The following SLC12A6 variants were observed in gnomAD, a reference collection of about 807,000 sequenced individuals.
The protein encoded by SLC12A6 is K-Cl cotransporter 3.
A neutral mutation model predicts 135.3 loss-of-function variants in SLC12A6; 66 were observed. The observed-to-expected ratio is 0.49, with a 90% CI of 0.40 to 0.60. The LOEUF (loss-of-function observed/expected upper bound fraction) is 0.60, where lower values mean the gene tolerates loss of function less well. SLC12A6 is among the 20% of genes least tolerant of loss of function. SLC12A6 has a pLI of 0.00. For missense variants in SLC12A6, 1,058 were observed against 1,452.3 expected (o/e 0.73, Z 4.41); for synonymous variants, 513 against 508.8 (o/e 1.01, Z -0.11).
Position 34,233,620 on chromosome 15 carries a change from G to T in SLC12A6, c.*261C>A. The stretch of plus-strand genomic sequence containing the variant: ...TGGCTCAGCTTGTTAATTCTAATTT[G>T]CCTTTGACTGCTCAGACGTGGCTTG... On this transcript the variant is annotated 3_prime_UTR_variant, in exon 26 of 26. Transcript: ENST00000354181. 3 of 410,160 alleles carry T rather than the reference G, an allele frequency of 7.3e-6. No homozygotes were observed. Among genetic ancestry groups the T allele is most frequent in the South Asian group, 2.9e-5 (1 of 33,982 alleles). The allele number at this position is 410,160 out of a possible 1,614,324, so 25.4% of individuals were successfully genotyped here.
At chr15:34,306,396 C>T (rs1437505751) in intron 2 of SLC12A6, among the ~76,000 whole-genome samples, 1 of 152,192 alleles carries the variant, frequency 6.6e-6, no homozygotes, top group African/African-American at 2.4e-5. Flanking sequence ...TTCTCCTTCC[C>T]TCCAGGAATT....
chr15:34,308,497 T>C (rs188633874), intron 2 of SLC12A6, among the ~76,000 whole-genome samples: 1 of 152,110 alleles, frequency 6.6e-6, no homozygotes, highest in African/African-American at 2.4e-5. Flanking sequence ...TGGTGGTGCA[T>C]GTCTGTAATC....
chr15:34,321,815 C>G (rs7176009), intron 2 of SLC12A6, among the ~76,000 whole-genome samples: 26,403 of 152,146 alleles, frequency 0.17, 2,509 homozygotes, highest in East Asian at 0.33. Context: ...CAACAACATG[C>G]ATGAATCTCA....
rs1421013924 is a variant in SLC12A6, at chr15:34,233,517, C to T, written c.*364G>A. 10 of 253,202 alleles carry T rather than the reference C, an allele frequency of 3.9e-5. No individual in the cohort carries two copies. The highest frequency in any genetic ancestry group is 7.9e-5 in the Non-Finnish European group (10 of 126,788). 15.7% of individuals were successfully genotyped at this position (253,202 alleles called of 1,614,324 possible). On this transcript the variant is annotated 3_prime_UTR_variant, in exon 26 of 26. Coordinates refer to ENST00000354181, the MANE Select transcript of SLC12A6 (RefSeq NM_001365088.1). ...TTGAACCATGACTTCTGAGATTCAT[C>T]TTTAATGCTGAATACGTACTTGACT...
chr15:34,332,394 T>C (rs1889908827), intron 2 of SLC12A6, among the ~76,000 whole-genome samples: 1 of 152,212 alleles, frequency 6.6e-6, no homozygotes, highest in African/African-American at 2.4e-5. Context: ...GTAGAAACTA[T>C]ATGTTACCTG....
In SLC12A6 at chr15:34,238,305, T is replaced by C. The variant is rs912101259; in HGVS notation, c.2729A>G (p.Asn910Ser). Residue 910 changes from asparagine (N) to serine (S), a missense_variant, in exon 21 of 26, where the codon AAC (asparagine) becomes AGC (serine). Asn to Ser is a conservative substitution (Grantham distance 46). Coordinates refer to ENST00000354181, the MANE Select transcript of SLC12A6 (RefSeq NM_001365088.1). ...ATGCACAATCCACCACACATCAATGTTGCCCTCAGAAAATTGCTCCACATT... is the reference window on the plus strand; with the variant it reads ...ATGCACAATCCACCACACATCAATGCTGCCCTCAGAAAATTGCTCCACATT... The part of the protein sequence containing the change: ...PSNVEQFSEG[N>S]IDVWWIVHDG... 13 of 1,613,736 alleles carry C rather than the reference T, an allele frequency of 8.1e-6. No homozygotes were observed. Among genetic ancestry groups the C allele is most frequent in the Non-Finnish European group, 1.1e-5 (13 of 1,179,616 alleles).
At chr15:34,280,944 C>T (rs1894635969) in intron 2 of SLC12A6, among the ~76,000 whole-genome samples, 2 of 151,996 alleles carry the variant, frequency 1.3e-5, no homozygotes, top group African/African-American at 4.8e-5. Flanking sequence ...AAGCTAAACA[C>T]CACATGTTCT....
At chr15:34,310,187 G>GTGTGTGTA (rs1888060577) in intron 2 of SLC12A6, among the ~76,000 whole-genome samples, 1 of 149,894 alleles carries the variant, frequency 6.7e-6, no homozygotes, top group Non-Finnish European at 1.5e-5. Context: ...GTGTGTGTGT[G>GTGTGTGTA]TGTGTGTGTG....
At chr15:34,324,857 T>C (rs1482718370) in intron 2 of SLC12A6, among the ~76,000 whole-genome samples, 1 of 152,162 alleles carries the variant, frequency 6.6e-6, no homozygotes, top group African/African-American at 2.4e-5. Flanking sequence ...AAAGAACTTT[T>C]TTTTTCTTTG....
rs78248490 is a variant in SLC12A6 at position 34,268,367 on chromosome 15, C to T, written c.316+6978G>A. ...TTTATGAGACCAATGATGCCTCCAA[C>T]CAATAATGTCCTACTCATGGTCTAC... On this transcript the variant is annotated intron_variant, in intron 3 of 25. Coordinates refer to ENST00000354181, the MANE Select transcript of SLC12A6 (RefSeq NM_001365088.1). Among the ~76,000 whole-genome samples the T allele has an allele frequency of 6.5e-4, 99 of 152,288 alleles. 1 individual carries two copies. The highest frequency in any genetic ancestry group is 2.3e-3 in the African/African-American group (96 of 41,558).
At chr15:34,237,078 T>C in intron 22 of SLC12A6, 1 of 493,204 alleles carries the variant, frequency 2.0e-6, no homozygotes, top group Non-Finnish European at 3.7e-6. Context: ...CCAGTCTCTC[T>C]TTTTTATACT....
Position 34,229,980 on chromosome 15 carries a change from T to C in SLC12A6, c.*3901A>G, listed in dbSNP as rs1253367768. The C allele has an allele frequency of 1.6e-6, 1 of 625,372 alleles. No individual in the cohort carries two copies. Among genetic ancestry groups the C allele is most frequent in the Non-Finnish European group, 2.8e-6 (1 of 355,364 alleles). The allele number at this position is 625,372 out of a possible 1,614,324, so 38.7% of individuals were successfully genotyped here. Reference sequence around the variant, plus strand: ...TATTACGACAAACACAAAGAAACTATACCATAACCCAAGGCTGAAAATAAT... The same window carrying C: ...TATTACGACAAACACAAAGAAACTACACCATAACCCAAGGCTGAAAATAAT... On this transcript the variant is annotated 3_prime_UTR_variant, in exon 26 of 26. Coordinates refer to ENST00000354181, the MANE Select transcript of SLC12A6 (RefSeq NM_001365088.1).
chr15:34,234,933 A>G (rs1891154523), intron 25 of SLC12A6, among the ~76,000 whole-genome samples: 1 of 152,194 alleles, frequency 6.6e-6, no homozygotes. Context: ...AGGGTTTTAT[A>G]CACTGAATAT....
intron 2 of SLC12A6, among the ~76,000 whole-genome samples, chr15:34,331,569 T>C (rs777422600): frequency 3.9e-5 from 6 of 152,236 alleles, no homozygotes; most frequent in Non-Finnish European, 8.8e-5. Context: ...TTTTTAAGTC[T>C]ACAAGATCTT....
At chr15:34,266,374 A>G (rs1893523056) in intron 3 of SLC12A6, among the ~76,000 whole-genome samples, 1 of 152,146 alleles carries the variant, frequency 6.6e-6, no homozygotes, top group Non-Finnish European at 1.5e-5. Context: ...AGAAGGCATG[A>G]CAGTTTTGTT....
At chr15:34,258,668 T>A in intron 5 of SLC12A6, 145 bp downstream of exon 5, 1 of 769,540 alleles carries the variant, frequency 1.3e-6, no homozygotes, top group Non-Finnish European at 2.3e-6. Context: ...TTCTTTGTGC[T>A]ATGACGCTGG....
chr15:34,257,082 C>T (rs1892804515), intron 6 of SLC12A6, among the ~76,000 whole-genome samples: 1 of 151,980 alleles, frequency 6.6e-6, no homozygotes, highest in Non-Finnish European at 1.5e-5. Context: ...TAAAAAAGGA[C>T]AGTAGAAAAC....
At chr15:34,254,154 TA>T (rs1442615152) in intron 9 of SLC12A6, among the ~76,000 whole-genome samples, 193 bp downstream of exon 9, 1 of 152,116 alleles carries the variant, frequency 6.6e-6, no homozygotes, top group Non-Finnish European at 1.5e-5. Context: ...GCTTAGGACA[TA>T]AGAAAGAGGA....
chr15:34,294,833 GC>G (rs946027764), intron 2 of SLC12A6, among the ~76,000 whole-genome samples: 5 of 150,708 alleles, frequency 3.3e-5, no homozygotes, highest in African/African-American at 1.2e-4. Flanking sequence ...AGGATTACAG[GC>G]ATGAGCCACC....
Sources: allele counts gnomAD v4.1 joint callset (sites outside exome capture counted in the v4.1 genomes callset), GRCh38; gene constraint gnomAD v4.1.1; transcripts MANE v1.5; gene names NCBI Gene and HGNC (gene_info 2026-07-23, HGNC 2026-07-21).